PTPRK: variants seen among roughly 807,000 people sequenced by gnomAD.
The protein encoded by PTPRK is receptor-type tyrosine-protein phosphatase kappa.
A neutral mutation model predicts 178.0 loss-of-function variants in PTPRK; 75 were observed. The ratio of observed to expected loss-of-function variants is 0.42; its 90% CI spans 0.35 to 0.51. The LOEUF is 0.51. PTPRK is among the 20% of genes least tolerant of loss of function. The probability of loss-of-function intolerance (pLI) is 0.02; values close to 1 mark genes in which losing one functional copy is unlikely to be tolerated. For missense variants in PTPRK, 1,441 were observed against 1,797.8 expected, an observed-to-expected ratio of 0.80 and a Z score of 3.59; for synonymous variants, 637 against 620.6, an observed-to-expected ratio of 1.03 and a Z score of -0.39.
At chr6:128,109,914 G>GT (rs1226993896) in intron 7 of PTPRK, among the ~76,000 whole-genome samples, 3 of 151,886 alleles carry the variant, frequency 2.0e-5, no homozygotes, top group Non-Finnish European at 4.4e-5. Context: ...TTTTTGGGGG[G>GT]GGAGGAGGAG....
intron 7 of PTPRK, among the ~76,000 whole-genome samples, chr6:128,137,035 C>A (rs1795115372): frequency 6.6e-6 from 1 of 152,188 alleles, no homozygotes; most frequent in Admixed American, 6.5e-5. Context: ...CTCTTCCTAT[C>A]TGTTTTGCTT....
intron 5 of PTPRK, among the ~76,000 whole-genome samples, chr6:128,226,513 C>A (rs966297237): frequency 6.6e-6 from 1 of 151,782 alleles, no homozygotes; most frequent in African/African-American, 2.4e-5. Flanking sequence ...TCTGAGTGGA[C>A]TGGATTGAAT....
At chr6:128,022,215 T>G (rs1384660036) in intron 13 of PTPRK, among the ~76,000 whole-genome samples, 1 of 152,192 alleles carries the variant, frequency 6.6e-6, no homozygotes, top group Non-Finnish European at 1.5e-5. Flanking sequence ...ATTAAGTGCC[T>G]GTTAGTGGCA....
chr6:128,310,972 G>C (rs1383266218), intron 3 of PTPRK, among the ~76,000 whole-genome samples: 1 of 152,042 alleles, frequency 6.6e-6, no homozygotes, highest in Non-Finnish European at 1.5e-5. Flanking sequence ...AGCATAATCT[G>C]GACATCCTTC....
At chr6:128,252,512 C>T (rs1420944250) in intron 3 of PTPRK, among the ~76,000 whole-genome samples, 1 of 152,142 alleles carries the variant, frequency 6.6e-6, no homozygotes, top group African/African-American at 2.4e-5. Context: ...AAACCCAAAA[C>T]CTGAACTGAG....
In PTPRK at chr6:128,505,841, C is replaced by G. The variant is rs117686672; in HGVS notation, c.100+14418G>C. On this transcript the variant is annotated intron_variant, in intron 1 of 29. Transcript: ENST00000368226. The stretch of plus-strand genomic sequence containing the variant: ...GTCAAAGAGCAACTCTGCAAATGAG[C>G]TAATAATTGTCAAAACTTTAGCCAG... Among the ~76,000 whole-genome samples, 645 of 152,312 alleles carry G rather than the reference C, an allele frequency of 4.2e-3. 6 individuals carry two copies. The highest frequency in any genetic ancestry group is 5.4e-3 in the Non-Finnish European group (366 of 68,028).
intron 2 of PTPRK, among the ~76,000 whole-genome samples, chr6:128,394,880 A>G (rs931047942): frequency 3.3e-5 from 5 of 152,038 alleles, no homozygotes; most frequent in African/African-American, 9.7e-5. Flanking sequence ...CTTGGCTTTC[A>G]GTCCAAAAAG....
intron 3 of PTPRK, among the ~76,000 whole-genome samples, chr6:128,283,738 C>A (rs548290801): frequency 1.3e-5 from 2 of 152,208 alleles, no homozygotes; most frequent in East Asian, 3.9e-4. Context: ...AAATAAACTG[C>A]CCTTGAAAGG....
At chr6:127,998,476 C>A (rs115599993) in intron 16 of PTPRK, among the ~76,000 whole-genome samples, 3 of 151,738 alleles carry the variant, frequency 2.0e-5, no homozygotes, top group Admixed American at 2.0e-4. Context: ...AAATAAATTA[C>A]GGAATCCAAC....
intron 2 of PTPRK, among the ~76,000 whole-genome samples, chr6:128,355,751 C>T (rs926747876): frequency 1.3e-5 from 2 of 152,070 alleles, no homozygotes; most frequent in African/African-American, 4.8e-5. Flanking sequence ...ACATATGTAA[C>T]AAACCTGCAC....
At chr6:128,008,028 A>G in intron 14 of PTPRK, 1 of 1,328,322 alleles carries the variant, frequency 7.5e-7, no homozygotes, top group Non-Finnish European at 1.0e-6. Flanking sequence ...ATTTAACACA[A>G]AACACTATAA....
At chr6:127,986,020 ATATAAT>A in intron 21 of PTPRK, 145 bp from the exon 22 acceptor site, 1 of 699,128 alleles carries the variant, frequency 1.4e-6, no homozygotes, top group Non-Finnish European at 2.1e-6. Context: ...TAAAAAAAAA[ATATAAT>A]AAAATGAAGG....
chr6:128,192,446 AAAG>A (rs1283818190), intron 6 of PTPRK, among the ~76,000 whole-genome samples: 2 of 152,164 alleles, frequency 1.3e-5, no homozygotes, highest in Non-Finnish European at 2.9e-5. Flanking sequence ...AGCGCCTGAC[AAAG>A]TTCAATACTA....
chr6:128,065,853 T>C (rs903457951), intron 12 of PTPRK, among the ~76,000 whole-genome samples: 2 of 152,184 alleles, frequency 1.3e-5, no homozygotes, highest in Non-Finnish European at 2.9e-5. Flanking sequence ...AATTGCTGTT[T>C]AACTTTCTAA....
At chr6:128,125,859 C>A (rs553711183) in intron 7 of PTPRK, among the ~76,000 whole-genome samples, 1 of 151,882 alleles carries the variant, frequency 6.6e-6, no homozygotes, top group Non-Finnish European at 1.5e-5. Flanking sequence ...CCACCCAGTT[C>A]GGCCTTCCAA....
intron 1 of PTPRK, among the ~76,000 whole-genome samples, chr6:128,411,499 G>A (rs1420292185): frequency 6.6e-6 from 1 of 152,160 alleles, no homozygotes; most frequent in East Asian, 1.9e-4. Flanking sequence ...TCAGTTCAAT[G>A]ATCAAATCTA....
chr6:128,227,788 T>A (rs1319729903), intron 5 of PTPRK, among the ~76,000 whole-genome samples: 6 of 152,082 alleles, frequency 3.9e-5, no homozygotes, highest in African/African-American at 1.4e-4. Context: ...ATTCATGAGA[T>A]GAAACAATAT....
In PTPRK at chr6:128,152,763, T is replaced by G. The variant is rs1418724588; in HGVS notation, c.1162+31669A>C. Among the ~76,000 whole-genome samples, 4 of 151,836 alleles carry G rather than the reference T, an allele frequency of 2.6e-5. No homozygotes were observed. In the Admixed American group the frequency reaches 2.6e-4, roughly 10 times the overall value. On this transcript the variant is annotated intron_variant, in intron 7 of 29. Transcript: ENST00000368226. The stretch of plus-strand genomic sequence containing the variant: ...CAGACCCACGTGGCAAAAGGGTGAT[T>G]AAAAATAAATAAGGTCTGCTTAGAG...
chr6:128,261,723 T>C (rs1277223704), intron 3 of PTPRK, among the ~76,000 whole-genome samples: 3 of 152,192 alleles, frequency 2.0e-5, no homozygotes, highest in Admixed American at 6.6e-5. Context: ...ATTTTAATAA[T>C]TGCATCTGGC....
Sources: gnomAD v4.1 joint callset for allele counts (sites outside exome capture counted in the v4.1 genomes callset) on GRCh38, gnomAD v4.1.1 for gene constraint, MANE v1.5 for transcripts, NCBI Gene and HGNC (gene_info 2026-07-23, HGNC 2026-07-21) for gene names.